The following AOX1 variants were observed in gnomAD, a reference collection of about 807,000 sequenced individuals.
The protein encoded by AOX1 is aldehyde oxidase 1.
AOX1 carries 153 observed loss-of-function variants against 169.5 expected under a neutral mutation model. The observed-to-expected ratio is 0.90, with a 90% CI of 0.79 to 1.03. The LOEUF is 1.03. Among genes scored for constraint, AOX1 ranks in the 50% least tolerant of loss-of-function variants. The probability of loss-of-function intolerance (pLI) is 0.00; values close to 1 mark genes in which losing one functional copy is unlikely to be tolerated. For synonymous variants in AOX1, 562 were observed against 581.9 expected (o/e 0.97, Z 0.49); for missense variants, 1,656 against 1,663.9 (o/e 1.00, Z 0.08).
Position 200,668,527 on chromosome 2 carries a change from T to G in AOX1, c.3610-88T>G, listed in dbSNP as rs1416832432. 29 of 1,222,972 alleles carry G rather than the reference T, an allele frequency of 2.4e-5. No individual in the cohort carries two copies. In the Admixed American group the frequency reaches 7.0e-4, roughly 30 times the overall value. 75.8% of individuals were successfully genotyped at this position (1,222,972 alleles called of 1,614,324 possible). The stretch of plus-strand genomic sequence containing the variant: ...ATGCTCTTAAACTGTAATTTTAAAA[T>G]TCAAGCAAACAGCATGAAGTTGAAA... On this transcript the variant is annotated intron_variant, in intron 32 of 34. Transcript: ENST00000374700.
chr2:200,603,503 T>TAA, intron 7 of AOX1, 147 bp downstream of exon 7: 1 of 566,466 alleles, frequency 1.8e-6, no homozygotes, highest in Non-Finnish European at 3.1e-6. Flanking sequence ...CATCTCTCTA[T>TAA]AAAAAAAAAT....
At chr2:200,675,409 T>C (rs944905542), downstream of AOX1, among the ~76,000 whole-genome samples, 1 of 152,224 alleles carries the variant, frequency 6.6e-6, no homozygotes, top group African/African-American at 2.4e-5. Context: ...AAATGCCTAC[T>C]ATGAACTGTC....
intron 19 of AOX1, 139 bp from the exon 20 acceptor site, chr2:200,627,214 G>T: frequency 1.6e-6 from 1 of 636,780 alleles, no homozygotes; most frequent in Non-Finnish European, 2.8e-6. Context: ...TGGCTCACCA[G>T]GGTCATGGTG....
At chr2:200,598,183 A>C (rs1295043450) in intron 4 of AOX1, among the ~76,000 whole-genome samples, 1 of 152,028 alleles carries the variant, frequency 6.6e-6, no homozygotes, top group African/African-American at 2.4e-5. Flanking sequence ...AAGATGAAGG[A>C]AGAAAGAGAA....
At chr2:200,590,745 C>G (rs967192906) in intron 1 of AOX1, among the ~76,000 whole-genome samples, 1 of 152,216 alleles carries the variant, frequency 6.6e-6, no homozygotes, top group African/African-American at 2.4e-5. Flanking sequence ...TCTTTACTAA[C>G]TAGGCTACCC....
Position 200,651,080 on chromosome 2 carries a change from C to T in AOX1, c.2954C>T (p.Ser985Phe), listed in dbSNP as rs1363049970. ...TGGAGAGAATGTATGGCCATGTCTT[C>T]CTACTCCTTGAGGAAAGTTGCTGTG... Reference protein sequence around the residue: ...QCWRECMAMSSYSLRKVAVEK... With the variant: ...QCWRECMAMSFYSLRKVAVEK... The change falls in exon 26 of 35, where the codon TCC (serine) becomes TTC (phenylalanine). Residue 985 changes from serine (S) to phenylalanine (F), a missense_variant. Physicochemically the swap from Ser to Phe is radical, Grantham distance 155 (BLOSUM62 -2). Transcript: ENST00000374700. The T allele has an allele frequency of 1.8e-5, 29 of 1,614,032 alleles. No individual in the cohort carries two copies. Among genetic ancestry groups the T allele is most frequent in the Non-Finnish European group, 2.4e-5 (28 of 1,179,996 alleles).
At chr2:200,601,127 T>A (rs1446294650) in intron 5 of AOX1, among the ~76,000 whole-genome samples, 1 of 151,370 alleles carries the variant, frequency 6.6e-6, no homozygotes, top group African/African-American at 2.4e-5. Context: ...GGTTTTTTCC[T>A]TAGAAAAAGA....
intron 13 of AOX1, 21 bp downstream of exon 13, chr2:200,611,514 A>G (rs1475983470): frequency 1.4e-6 from 2 of 1,475,050 alleles, no homozygotes; most frequent in Non-Finnish European, 1.9e-6. Context: ...CCCACTGTCA[A>G]TTTCCCAGTT....
chr2:200,610,523 T>C (rs886470345), intron 12 of AOX1, among the ~76,000 whole-genome samples: 1 of 152,240 alleles, frequency 6.6e-6, no homozygotes, highest in African/African-American at 2.4e-5. Flanking sequence ...TTTTAAACTG[T>C]TCCTCTTCCT....
chr2:200,611,256 A>G (rs2034633266), intron 12 of AOX1, 128 bp from the exon 13 acceptor site: 2 of 697,290 alleles, frequency 2.9e-6, no homozygotes, highest in Non-Finnish European at 5.1e-6. Context: ...TTTGCGAAGC[A>G]TAGGAAGAGC....
chr2:200,665,182 G>A (rs939460401), intron 31 of AOX1, among the ~76,000 whole-genome samples: 2 of 152,336 alleles, frequency 1.3e-5, no homozygotes, highest in African/African-American at 2.4e-5. Context: ...ATGTGCAAGC[G>A]AGAGAGTACC....
intron 22 of AOX1, among the ~76,000 whole-genome samples, chr2:200,637,511 A>G (rs879292260): frequency 2.6e-5 from 4 of 152,134 alleles, no homozygotes; most frequent in African/African-American, 4.8e-5. Context: ...TCTTCAATAT[A>G]TCAAAGATAT....
At chr2:200,632,206 G>C (rs1250117918) in intron 20 of AOX1, among the ~76,000 whole-genome samples, 1 of 151,534 alleles carries the variant, frequency 6.6e-6, no homozygotes. Context: ...CTGAATATTT[G>C]CTTAGAATTT....
chr2:200,620,981 G>T (rs144161631), intron 17 of AOX1, 139 bp from the exon 18 acceptor site: 6 of 1,324,262 alleles, frequency 4.5e-6, no homozygotes, highest in Non-Finnish European at 6.2e-6. Context: ...CTACAACTTC[G>T]TTGTCCCAAG....
At chr2:200,641,727 T>C (rs2035355484) in intron 24 of AOX1, among the ~76,000 whole-genome samples, 1 of 152,014 alleles carries the variant, frequency 6.6e-6, no homozygotes, top group East Asian at 2.0e-4. Context: ...AGAGATGGGT[T>C]CTCACTATGT....
At chr2:200,672,802 T>C (rs539901912), downstream of AOX1, among the ~76,000 whole-genome samples, 3 of 151,918 alleles carry the variant, frequency 2.0e-5, no homozygotes, top group African/African-American at 7.2e-5. Context: ...CCTGAGGAAA[T>C]GAGAATGGAG....
chr2:200,612,464 A>AAC (rs2034658835), intron 13 of AOX1, 145 bp from the exon 14 acceptor site: 2 of 737,220 alleles, frequency 2.7e-6, no homozygotes, highest in Non-Finnish European at 4.6e-6. Flanking sequence ...GGTGATGCTC[A>AAC]ACACACACAC....
intron 34 of AOX1, among the ~76,000 whole-genome samples, chr2:200,670,153 G>C (rs2035999782): frequency 1.3e-5 from 2 of 152,094 alleles, no homozygotes; most frequent in Non-Finnish European, 2.9e-5. Context: ...CACCCGGAAA[G>C]TATGCTAGCA....
intron 27 of AOX1, among the ~76,000 whole-genome samples, chr2:200,657,190 A>ATTTTTTTTTTTTTTTT (rs5837752): frequency 4.8e-5 from 3 of 62,882 alleles, no homozygotes; most frequent in African/African-American, 2.4e-4. Flanking sequence ...ATATATATAT[A>ATTTTTTTTTTTTTTTT]TTTTTTTTTT....
Sources: allele counts gnomAD v4.1 joint callset (sites outside exome capture counted in the v4.1 genomes callset), GRCh38; gene constraint gnomAD v4.1.1; transcripts MANE v1.5; gene names NCBI Gene and HGNC (gene_info 2026-07-23, HGNC 2026-07-21).